The following MBD5 variants were observed in gnomAD, a reference collection of about 807,000 sequenced individuals.
MBD5 encodes methyl-CpG-binding domain protein 5.
MBD5 carries 13 observed loss-of-function variants against 117.3 expected under a neutral mutation model. The observed-to-expected ratio is 0.11, with a 90% confidence interval of 0.07 to 0.18. The LOEUF (loss-of-function observed/expected upper bound fraction) is 0.18, where lower values mean the gene tolerates loss of function less well. MBD5 is among the 10% of genes least tolerant of loss of function. The pLI is 1.00. For synonymous variants in MBD5, 727 were observed against 766.4 expected, an observed-to-expected ratio of 0.95 and a Z score of 0.85; for missense variants, 1,879 against 2,093.8, an observed-to-expected ratio of 0.90 and a Z score of 2.00.
intron 3 of MBD5, among the ~76,000 whole-genome samples, chr2:148,259,453 T>A (rs192109117): frequency 6.6e-6 from 1 of 152,328 alleles, no homozygotes; most frequent in Admixed American, 6.5e-5. Flanking sequence ...TGCCACCGTG[T>A]ATCACAACCC....
intron 4 of MBD5, among the ~76,000 whole-genome samples, chr2:148,414,202 T>C (rs1705354218): frequency 6.6e-6 from 1 of 152,162 alleles, no homozygotes; most frequent in Non-Finnish European, 1.5e-5. Flanking sequence ...GTTTCTGGAT[T>C]TTGGCCTTAA....
At chr2:148,054,340 A>C (rs1375721465) in intron 1 of MBD5, 1 of 152,258 alleles carries the variant, frequency 6.6e-6, no homozygotes, top group Non-Finnish European at 1.5e-5. Flanking sequence ...TATTTGATTT[A>C]AATGAAATTT....
chr2:148,105,666 T>C (rs1696352366), intron 1 of MBD5, among the ~76,000 whole-genome samples: 1 of 152,136 alleles, frequency 6.6e-6, no homozygotes, highest in African/African-American at 2.4e-5. Flanking sequence ...GTCAGTTTCA[T>C]TTTATTTTTA....
At chr2:148,184,157 A>G (rs1450332422) in intron 2 of MBD5, among the ~76,000 whole-genome samples, 1 of 151,796 alleles carries the variant, frequency 6.6e-6, no homozygotes, top group African/African-American at 2.4e-5. Context: ...GACTGCAGAC[A>G]CATGCCACCA....
At chr2:148,129,355 C>T (rs1370052502) in intron 1 of MBD5, among the ~76,000 whole-genome samples, 3 of 151,946 alleles carry the variant, frequency 2.0e-5, no homozygotes, top group Admixed American at 6.6e-5. Flanking sequence ...ATTAGCCAGG[C>T]GTGGCGATGT....
At chr2:148,151,002 G>A (rs1393789834) in intron 1 of MBD5, among the ~76,000 whole-genome samples, 6 of 150,148 alleles carry the variant, frequency 4.0e-5, no homozygotes, top group African/African-American at 1.5e-4. Context: ...GTGAGAGAGG[G>A]CATCCCTGTC....
At chr2:148,358,037 G>T (rs908763500) in intron 4 of MBD5, among the ~76,000 whole-genome samples, 1 of 151,944 alleles carries the variant, frequency 6.6e-6, no homozygotes, top group Non-Finnish European at 1.5e-5. Flanking sequence ...CTGTTTTCCT[G>T]CTCACATTAA....
chr2:148,200,598 C>T (rs970747566), intron 2 of MBD5, among the ~76,000 whole-genome samples: 47 of 151,006 alleles, frequency 3.1e-4, no homozygotes, highest in African/African-American at 1.1e-3. Flanking sequence ...GAGGCTGAGA[C>T]GGGAGAATGG....
At chr2:148,385,121 A>T (rs1704305778) in intron 4 of MBD5, among the ~76,000 whole-genome samples, 2 of 152,262 alleles carry the variant, frequency 1.3e-5, no homozygotes, top group Non-Finnish European at 2.9e-5. Context: ...ATGGGATCTA[A>T]TCAAACTAAA....
At chr2:148,030,998 G>A (rs1558894218) in intron 1 of MBD5, among the ~76,000 whole-genome samples, 2 of 152,046 alleles carry the variant, frequency 1.3e-5, no homozygotes, top group Admixed American at 1.3e-4. Context: ...TCACTGTCCT[G>A]GAAAAATATA....
intron 3 of MBD5, among the ~76,000 whole-genome samples, chr2:148,303,343 A>G (rs1041329427): frequency 2.6e-5 from 4 of 152,246 alleles, no homozygotes; most frequent in Admixed American, 2.6e-4. Context: ...GGTTGCTAAT[A>G]TATGCAAAGT....
At chr2:148,167,033 G>C (rs1036831939) in intron 1 of MBD5, among the ~76,000 whole-genome samples, 4 of 151,976 alleles carry the variant, frequency 2.6e-5, no homozygotes, top group African/African-American at 9.7e-5. Flanking sequence ...GCTTTACATT[G>C]TTAATGTCAT....
intron 2 of MBD5, among the ~76,000 whole-genome samples, chr2:148,214,234 T>C (rs1163299712): frequency 6.6e-6 from 1 of 152,192 alleles, no homozygotes; most frequent in Non-Finnish European, 1.5e-5. Context: ...ACCCAGGTCT[T>C]TGTGGAGCTA....
At chr2:148,144,339 G>A (rs1697393719) in intron 1 of MBD5, among the ~76,000 whole-genome samples, 2 of 151,872 alleles carry the variant, frequency 1.3e-5, no homozygotes, top group Admixed American at 6.6e-5. Flanking sequence ...TGTAGATTCT[G>A]GATATTAGCC....
rs577866423 is a variant in MBD5 at position 148,384,153 on chromosome 2, A to T, written c.-557+41817A>T. Among the ~76,000 whole-genome samples, 266 of 152,218 alleles carry T rather than the reference A, an allele frequency of 1.7e-3. 4 individuals are homozygous for T. The East Asian group carries it at 0.027, about 16-fold the overall frequency. On this transcript the variant is annotated intron_variant, in intron 4 of 13. Transcript: ENST00000642680. ...AGGAAATAAAGGGCATTCAATTAGG[A>T]AAAGAGGAAGTCAAATTGTCCCTGT...
intron 3 of MBD5, among the ~76,000 whole-genome samples, chr2:148,244,816 T>G (rs949431681): frequency 5.9e-5 from 9 of 152,074 alleles, no homozygotes; most frequent in African/African-American, 2.2e-4. Context: ...ACAGTGTGCT[T>G]GAGATGTAGG....
chr2:148,387,823 T>C (rs1253344425), intron 4 of MBD5, among the ~76,000 whole-genome samples: 1 of 152,122 alleles, frequency 6.6e-6, no homozygotes, highest in Non-Finnish European at 1.5e-5. Context: ...GTGTGTGATC[T>C]CTATGAAAAA....
chr2:148,502,247 A>T, intron 11 of MBD5, 189 bp from the exon 12 acceptor site: 1 of 622,524 alleles, frequency 1.6e-6, no homozygotes, highest in African/African-American at 1.9e-5. Flanking sequence ...ACTTCCACTG[A>T]TGCTGCAGCC....
At chr2:148,231,308 G>T (rs1385917168) in intron 2 of MBD5, among the ~76,000 whole-genome samples, 1 of 152,030 alleles carries the variant, frequency 6.6e-6, no homozygotes, top group Non-Finnish European at 1.5e-5. Context: ...AGCTGTGTTT[G>T]GTCTACTTTT....
Sources: gnomAD v4.1 joint callset for allele counts (sites outside exome capture counted in the v4.1 genomes callset) on GRCh38, gnomAD v4.1.1 for gene constraint, MANE v1.5 for transcripts, NCBI Gene and HGNC (gene_info 2026-07-23, HGNC 2026-07-21) for gene names.